The following EXT1 variants were observed in gnomAD, a reference collection of about 807,000 sequenced individuals.
EXT1 encodes the protein exostosin-1.
In EXT1, 20 loss-of-function variants were observed where a neutral mutation model predicts 82.5. The observed-to-expected ratio is 0.24, with a 90% CI of 0.17 to 0.35. EXT1 has a LOEUF of 0.35. Ranked by LOEUF, EXT1 falls within the 10% of genes least tolerant of loss-of-function variation. The probability of loss-of-function intolerance (pLI) is 1.00; values close to 1 mark genes in which losing one functional copy is unlikely to be tolerated. For missense variants in EXT1, 757 were observed against 936.5 expected (o/e 0.81, Z 2.50); for synonymous variants, 348 against 350.8 (o/e 0.99, Z 0.09).
At chr8:117,909,650 AC>A (rs1813608326) in intron 1 of EXT1, among the ~76,000 whole-genome samples, 4 of 152,356 alleles carry the variant, frequency 2.6e-5, no homozygotes, top group Admixed American at 2.0e-4. Flanking sequence ...TTGAAAAGAA[AC>A]AAAATCATAG....
At chr8:118,043,008 C>A (rs1164038391) in intron 1 of EXT1, among the ~76,000 whole-genome samples, 1 of 152,176 alleles carries the variant, frequency 6.6e-6, no homozygotes, top group Non-Finnish European at 1.5e-5. Context: ...TAGCATATGG[C>A]AATGAACTCA....
chr8:118,065,137 G>A (rs1816955478), intron 1 of EXT1, among the ~76,000 whole-genome samples: 1 of 152,114 alleles, frequency 6.6e-6, no homozygotes, highest in South Asian at 2.1e-4. Context: ...ACAGGCATGA[G>A]TCACCGCCCC....
intron 6 of EXT1, among the ~76,000 whole-genome samples, 179 bp from the exon 7 acceptor site, chr8:117,818,709 T>C (rs1336890654): frequency 6.6e-6 from 1 of 152,034 alleles, no homozygotes; most frequent in East Asian, 1.9e-4. Flanking sequence ...CCTCAGAACA[T>C]TATCACCCCA....
At chr8:117,929,305 C>T (rs543388907) in intron 1 of EXT1, among the ~76,000 whole-genome samples, 43 of 152,318 alleles carry the variant, frequency 2.8e-4, no homozygotes, top group African/African-American at 9.6e-4. Context: ...AGATGATCCA[C>T]AGGCAGAAGG....
intron 1 of EXT1, among the ~76,000 whole-genome samples, chr8:118,042,602 A>G (rs1816553568): frequency 6.6e-6 from 1 of 152,068 alleles, no homozygotes; most frequent in African/African-American, 2.4e-5. Flanking sequence ...CCTGGCCCCC[A>G]CCTTGTTTTT....
intron 1 of EXT1, among the ~76,000 whole-genome samples, chr8:117,980,694 GGTGGTTTTTTTTTTTTTTTTTT>G (rs1815174413): frequency 3.2e-5 from 4 of 123,376 alleles, no homozygotes; most frequent in African/African-American, 1.1e-4. Context: ...TTCGGGTGTT[GGTGGTTTTTTTTTTTTTTTTTT>G]TTTTTTTTTT....
chr8:118,064,378 T>C (rs564414403), intron 1 of EXT1, among the ~76,000 whole-genome samples: 20 of 152,290 alleles, frequency 1.3e-4, no homozygotes, highest in Middle Eastern at 3.4e-3. Flanking sequence ...CCTCCCTGTG[T>C]CCATGTGTTC....
chr8:118,034,516 G>C (rs571621242), intron 1 of EXT1, among the ~76,000 whole-genome samples: 47 of 151,312 alleles, frequency 3.1e-4, no homozygotes, highest in African/African-American at 9.5e-4. Flanking sequence ...TAGGCACAGA[G>C]AGCCCAGCAG....
At chr8:118,091,466 C>T (rs1332538474) in intron 1 of EXT1, among the ~76,000 whole-genome samples, 2 of 152,096 alleles carry the variant, frequency 1.3e-5, no homozygotes, top group Non-Finnish European at 1.5e-5. Flanking sequence ...CGGCCGGGCG[C>T]GGTGGCTCAC....
chr8:117,884,802 G>C (rs1418008171), intron 1 of EXT1, among the ~76,000 whole-genome samples: 2 of 152,194 alleles, frequency 1.3e-5, no homozygotes, highest in Non-Finnish European at 2.9e-5. Context: ...GCTACATGCT[G>C]CAGGATGAAT....
At chr8:117,865,017 A>G (rs1044487697) in intron 1 of EXT1, among the ~76,000 whole-genome samples, 4 of 152,196 alleles carry the variant, frequency 2.6e-5, no homozygotes, top group African/African-American at 7.2e-5. Flanking sequence ...ATTAATTACC[A>G]TGACAGAAAC....
intron 1 of EXT1, among the ~76,000 whole-genome samples, chr8:117,882,365 G>A (rs946524211): frequency 1.3e-5 from 2 of 152,164 alleles, no homozygotes; most frequent in Admixed American, 6.5e-5. Context: ...TTACAGTCGT[G>A]AGCCATCACG....
chr8:117,851,520 T>C (rs1812453451), intron 1 of EXT1, among the ~76,000 whole-genome samples: 1 of 151,734 alleles, frequency 6.6e-6, no homozygotes, highest in South Asian at 2.1e-4. Flanking sequence ...TTTTTTTTTT[T>C]CTCTCCAACT....
chr8:117,822,699 T>G, intron 4 of EXT1, 102 bp from the exon 5 acceptor site: 1 of 1,304,794 alleles, frequency 7.7e-7, no homozygotes, highest in Non-Finnish European at 1.1e-6. Flanking sequence ...GTCAGAGTAG[T>G]GACTCTACCC....
At chr8:117,902,797 T>G (rs1247069424) in intron 1 of EXT1, among the ~76,000 whole-genome samples, 4 of 152,216 alleles carry the variant, frequency 2.6e-5, no homozygotes, top group Non-Finnish European at 5.9e-5. Context: ...AAAACTCAGA[T>G]TCTTGATTTA....
intron 1 of EXT1, among the ~76,000 whole-genome samples, chr8:117,915,082 C>T (rs539777320): frequency 6.6e-6 from 1 of 152,260 alleles, no homozygotes; most frequent in Non-Finnish European, 1.5e-5. Context: ...TATGTGATGT[C>T]ACCCCCAGCA....
rs1325832099 is a variant in EXT1 at position 117,809,231 on chromosome 8, ATATATATATATATT to A, written c.1723-1868_1723-1855del. On this transcript the variant is annotated intron_variant, in intron 8 of 10. Coordinates refer to ENST00000378204, the MANE Select transcript of EXT1 (RefSeq NM_000127.3). ...TGTGTGTGTATAAATATATATATAT[ATATATATATATATT>A]ATGTTCTATTGATTCTGTTTGCCTG... Among the ~76,000 whole-genome samples the A allele has an allele frequency of 5.2e-5, 7 of 135,360 alleles. No homozygotes were observed. In the Admixed American group the frequency reaches 5.5e-4, roughly 11 times the overall value. The allele number at this position is 135,360 out of a possible 152,430, so 88.8% of individuals were successfully genotyped here.
At chr8:117,843,049 T>A (rs1812297598) in intron 1 of EXT1, among the ~76,000 whole-genome samples, 1 of 152,112 alleles carries the variant, frequency 6.6e-6, no homozygotes, top group African/African-American at 2.4e-5. Context: ...CCAGTCCCCA[T>A]CCTCATAAGT....
At position 118,111,111 on chromosome 8, in the gene EXT1, A is replaced by C; in HGVS notation, c.-65T>G. ...GAATCACCCAAGTTTCCCAATCAAC[A>C]CTTTCAGCTCCAGTCCGCCATCTTC... On this transcript the variant is annotated 5_prime_UTR_variant, in exon 1 of 11. Transcript: ENST00000378204. 6.5e-7 allele frequency: 1 copy of C among 1,536,310 alleles called. No homozygotes were observed. Among genetic ancestry groups the C allele is most frequent in the Non-Finnish European group, 8.7e-7 (1 of 1,146,932 alleles).
Sources: allele counts gnomAD v4.1 joint callset (sites outside exome capture counted in the v4.1 genomes callset), GRCh38; gene constraint gnomAD v4.1.1; transcripts MANE v1.5; gene names NCBI Gene and HGNC (gene_info 2026-07-23, HGNC 2026-07-21).